CTNNA2: variants seen among roughly 807,000 people sequenced by gnomAD.
The protein encoded by CTNNA2 is catenin alpha 2.
In CTNNA2, 42 loss-of-function variants were observed where a neutral mutation model predicts 101.0. The ratio of observed to expected loss-of-function variants is 0.42; its 90% confidence interval spans 0.32 to 0.54. The LOEUF is 0.54. Ranked by LOEUF, CTNNA2 falls within the 20% of genes least tolerant of loss-of-function variation. The pLI is 0.14. For synonymous variants in CTNNA2, 450 were observed against 456.4 expected, an observed-to-expected ratio of 0.99 and a Z score of 0.18; for missense variants, 871 against 1,223.1, an observed-to-expected ratio of 0.71 and a Z score of 4.29.
chr2:79,902,057 C>T (rs1335175967), intron 6 of CTNNA2, among the ~76,000 whole-genome samples: 1 of 152,130 alleles, frequency 6.6e-6, no homozygotes, highest in Admixed American at 6.5e-5. Context: ...GAGAAAGTAG[C>T]ATTTTAGAGG....
rs182341209 is a variant in CTNNA2, at chr2:79,651,704, G to A, written c.102+46G>A. On this transcript the variant is annotated intron_variant, in intron 2 of 18. Transcript: ENST00000402739. ...ACTTTGTTATATATGTGTTTCTATT[G>A]TGATTATATCCTGACTCTTGGAAAA... 1.0e-4 allele frequency: 152 copies of A among 1,511,680 alleles called. 1 individual carries two copies. The African/African-American group carries it at 1.6e-3, about 16-fold the overall frequency. The allele number at this position is 1,511,680 out of a possible 1,614,324, so 93.6% of individuals were successfully genotyped here.
intron 1 of CTNNA2, among the ~76,000 whole-genome samples, chr2:79,582,084 G>C (rs1287648888): frequency 6.6e-6 from 1 of 152,234 alleles, no homozygotes; most frequent in Non-Finnish European, 1.5e-5. Flanking sequence ...TTAAGAATGT[G>C]AGCCTTGTGC....
At chr2:80,518,294 T>C (rs556288543) in intron 9 of CTNNA2, among the ~76,000 whole-genome samples, 1 of 152,334 alleles carries the variant, frequency 6.6e-6, no homozygotes, top group South Asian at 2.1e-4. Flanking sequence ...TCTGGTCTTC[T>C]GGTATTGGAA....
intron 7 of CTNNA2, among the ~76,000 whole-genome samples, chr2:80,208,988 G>A (rs1435231524): frequency 6.6e-6 from 1 of 151,998 alleles, no homozygotes; most frequent in Non-Finnish European, 1.5e-5. Context: ...TCCTTCAGTG[G>A]GATTTAAAGA....
intron 13 of CTNNA2, 53 bp downstream of exon 13, chr2:80,574,367 A>G (rs938615638): frequency 1.3e-6 from 2 of 1,495,574 alleles, no homozygotes; most frequent in Non-Finnish European, 1.8e-6. Flanking sequence ...GTAGGAAACT[A>G]AAGAGCTAAC....
At chr2:79,196,554 T>C (rs1673963991) in intron 1 of CTNNA2, among the ~76,000 whole-genome samples, 1 of 152,218 alleles carries the variant, frequency 6.6e-6, no homozygotes, top group South Asian at 2.1e-4. Flanking sequence ...TTTTACCTTT[T>C]TCTTAAAATT....
chr2:79,299,087 G>A (rs577306740), intron 2 of CTNNA2, among the ~76,000 whole-genome samples: 1 of 152,280 alleles, frequency 6.6e-6, no homozygotes, highest in South Asian at 2.1e-4. Context: ...GGGTCCCCAA[G>A]CTTCAACTCA....
At chr2:80,626,468 G>A (rs1445036496) in intron 18 of CTNNA2, among the ~76,000 whole-genome samples, 2 of 152,084 alleles carry the variant, frequency 1.3e-5, no homozygotes, top group African/African-American at 2.4e-5. Context: ...CCACCCCTCT[G>A]CCCTTCTTCA....
intron 4 of CTNNA2, among the ~76,000 whole-genome samples, chr2:79,478,753 C>G (rs1384835163): frequency 1.3e-5 from 2 of 152,012 alleles, no homozygotes; most frequent in African/African-American, 4.8e-5. Flanking sequence ...TTACCTCTAC[C>G]CTTTTTGGAA....
intron 7 of CTNNA2, among the ~76,000 whole-genome samples, chr2:80,289,948 G>A (rs1675095089): frequency 6.6e-6 from 1 of 152,082 alleles, no homozygotes. Flanking sequence ...GAGTTTGAAG[G>A]ATATGGGCCT....
At chr2:80,038,344 C>T (rs1695802689) in intron 7 of CTNNA2, among the ~76,000 whole-genome samples, 1 of 152,134 alleles carries the variant, frequency 6.6e-6, no homozygotes, top group Admixed American at 6.5e-5. Context: ...CATTCTTAGC[C>T]TGGGGCTTCC....
intron 2 of CTNNA2, among the ~76,000 whole-genome samples, chr2:79,266,272 G>A (rs574146867): frequency 1.3e-5 from 2 of 152,082 alleles, no homozygotes; most frequent in African/African-American, 4.8e-5. Flanking sequence ...CTTAGGATCA[G>A]CTCCCAAGCA....
At chr2:79,966,974 C>G (rs754376849) in intron 7 of CTNNA2, among the ~76,000 whole-genome samples, 1 of 152,058 alleles carries the variant, frequency 6.6e-6, no homozygotes, top group Non-Finnish European at 1.5e-5. Flanking sequence ...TGGCTCTTCT[C>G]CTTCTAAACA....
intron 1 of CTNNA2, among the ~76,000 whole-genome samples, chr2:79,562,996 G>T (rs1277887194): frequency 6.6e-6 from 1 of 151,812 alleles, no homozygotes; most frequent in African/African-American, 2.4e-5. Flanking sequence ...TATAAAATAT[G>T]CAAACAATAT....
intron 9 of CTNNA2, among the ~76,000 whole-genome samples, chr2:80,541,736 C>T (rs1180281611): frequency 6.6e-6 from 1 of 151,624 alleles, no homozygotes; most frequent in Non-Finnish European, 1.5e-5. Context: ...CATTTGTGCT[C>T]AGGTAGGTAC....
At chr2:80,342,656 A>G (rs758300233) in intron 7 of CTNNA2, among the ~76,000 whole-genome samples, 62 of 152,274 alleles carry the variant, frequency 4.1e-4, no homozygotes, top group Non-Finnish European at 7.6e-4. Flanking sequence ...CTTTCTTTTC[A>G]TACAAAATTT....
intron 7 of CTNNA2, among the ~76,000 whole-genome samples, chr2:80,134,977 AT>A (rs967076503): frequency 1.3e-5 from 2 of 151,958 alleles, no homozygotes; most frequent in African/African-American, 4.8e-5. Flanking sequence ...AGGTAATATT[AT>A]TTTTTTTAGA....
At chr2:79,457,201 C>CAAA (rs369641720) in intron 4 of CTNNA2, among the ~76,000 whole-genome samples, 17 of 82,434 alleles carry the variant, frequency 2.1e-4, no homozygotes, top group African/African-American at 6.5e-4. Flanking sequence ...GACTCCATCT[C>CAAA]AAAAAAAAAA....
chr2:79,743,458 T>A (rs1488649194), intron 2 of CTNNA2, among the ~76,000 whole-genome samples: 2 of 152,194 alleles, frequency 1.3e-5, no homozygotes, highest in East Asian at 3.9e-4. Context: ...TTCTAGAAAC[T>A]TTAGCTGGTT....
Sources: gnomAD v4.1 joint callset for allele counts (sites outside exome capture counted in the v4.1 genomes callset) on GRCh38, gnomAD v4.1.1 for gene constraint, MANE v1.5 for transcripts, NCBI Gene and HGNC (gene_info 2026-07-23, HGNC 2026-07-21) for gene names.